EMP2: variants seen among roughly 807,000 people sequenced by gnomAD.
The protein encoded by EMP2 is epithelial membrane protein 2.
In EMP2, 19 loss-of-function variants were observed where a neutral mutation model predicts 13.7. The observed-to-expected ratio is 1.38, with a 90% confidence interval of 0.97 to 2.03. The LOEUF is 2.03. Ranked by LOEUF, EMP2 falls within the 30% of genes most tolerant of loss-of-function variation. EMP2 has a pLI of 0.00. For synonymous variants in EMP2, 97 were observed against 84.7 expected, an observed-to-expected ratio of 1.15 and a Z score of -0.80; for missense variants, 253 against 220.7, an observed-to-expected ratio of 1.15 and a Z score of -0.93.
intron 1 of EMP2, among the ~76,000 whole-genome samples, chr16:10,564,513 G>A (rs1482412799): frequency 5.5e-5 from 8 of 146,548 alleles, no homozygotes; most frequent in African/African-American, 2.1e-4. Context: ...AAAAAAAAAG[G>A]TAATTCTGCC....
chr16:10,573,101 GTGCAGT>G (rs1312172571), intron 1 of EMP2, among the ~76,000 whole-genome samples: 4 of 152,138 alleles, frequency 2.6e-5, no homozygotes, highest in Non-Finnish European at 5.9e-5. Context: ...CCAGGCTAGG[GTGCAGT>G]GGCACAATCT....
At chr16:10,541,718 G>A (rs570590854) in intron 3 of EMP2, among the ~76,000 whole-genome samples, 24 of 152,262 alleles carry the variant, frequency 1.6e-4, no homozygotes, top group Middle Eastern at 3.4e-3. Flanking sequence ...ATGGTGTTCC[G>A]TGGTTAAGGG....
intron 1 of EMP2, among the ~76,000 whole-genome samples, chr16:10,579,708 G>GCACGCGCACACACACA (rs1555461492): frequency 3.4e-5 from 5 of 146,668 alleles, no homozygotes; most frequent in South Asian, 2.2e-4. Flanking sequence ...AGATCAAGGT[G>GCACGCGCACACACACA]CACACACACA....
At chr16:10,540,382 T>C (rs1416760991) in intron 3 of EMP2, among the ~76,000 whole-genome samples, 4 of 151,900 alleles carry the variant, frequency 2.6e-5, no homozygotes, top group Admixed American at 2.6e-4. Flanking sequence ...GGCACACACC[T>C]GTAATCCCAG....
chr16:10,580,376 C>A lies in EMP2; in HGVS notation c.-61+173G>T, dbSNP rs1455121337. 2.0e-5 allele frequency among the ~76,000 whole-genome samples: 3 copies of A among 152,216 alleles called. No homozygotes were observed. Among genetic ancestry groups the A allele is most frequent in the Non-Finnish European group, 2.9e-5 (2 of 68,034 alleles). ...TTCTGGGGCCGGAGCGAGCGTGGCG[C>A]AGACCAGAGGTCGGCGGCATGGGTG... is the stretch of plus-strand genomic sequence containing the variant. On this transcript the variant is annotated intron_variant, in intron 1 of 4. Transcript: ENST00000359543. The surrounding 1 kb of genome is among the most constrained non-coding windows in gnomAD (Gnocchi z 4.3).
At chr16:10,547,709 C>T in intron 1 of EMP2, 32 bp from the exon 2 acceptor site, 2 of 1,288,368 alleles carry the variant, frequency 1.6e-6, no homozygotes, top group South Asian at 1.3e-5. Context: ...AATTCAAAAT[C>T]TGTCAATGAC....
At chr16:10,569,180 A>G (rs1390251200) in intron 1 of EMP2, among the ~76,000 whole-genome samples, 1 of 152,202 alleles carries the variant, frequency 6.6e-6, no homozygotes, top group Non-Finnish European at 1.5e-5. Flanking sequence ...TGATGAGTAC[A>G]TGATCCAGCA....
intron 4 of EMP2, among the ~76,000 whole-genome samples, chr16:10,536,136 A>G (rs8047459): frequency 0.4 from 61,597 of 152,132 alleles, 14,221 homozygotes; most frequent in East Asian, 0.54. Flanking sequence ...GCTGTCCAGT[A>G]AAAGTGCCCC....
chr16:10,561,102 G>A (rs912358437), intron 1 of EMP2, among the ~76,000 whole-genome samples: 5 of 152,252 alleles, frequency 3.3e-5, no homozygotes, highest in Admixed American at 2.6e-4. Context: ...TGGGAACAGA[G>A]GGGTGGACAG....
intron 1 of EMP2, among the ~76,000 whole-genome samples, chr16:10,572,207 G>C (rs1281280910): frequency 6.6e-6 from 1 of 152,162 alleles, no homozygotes; most frequent in Non-Finnish European, 1.5e-5. Flanking sequence ...TGTAATCCCA[G>C]CACTTTGGGA....
At chr16:10,565,172 G>C (rs915744312) in intron 1 of EMP2, among the ~76,000 whole-genome samples, 1 of 152,206 alleles carries the variant, frequency 6.6e-6, no homozygotes, top group Non-Finnish European at 1.5e-5. Context: ...TTAAAAGGGA[G>C]TGATTTGAAA....
chr16:10,577,037 G>T (rs527491221), intron 1 of EMP2, among the ~76,000 whole-genome samples: 1 of 152,212 alleles, frequency 6.6e-6, no homozygotes, highest in South Asian at 2.1e-4. Context: ...GTGCTATAAG[G>T]GTCCCAGGCC....
intron 1 of EMP2, among the ~76,000 whole-genome samples, chr16:10,572,494 T>G (rs2050955259): frequency 6.6e-6 from 1 of 151,760 alleles, no homozygotes; most frequent in African/African-American, 2.4e-5. Flanking sequence ...ACAGATGATC[T>G]TCCATCCACT....
chr16:10,538,287 C>T (rs1425014885), intron 3 of EMP2, among the ~76,000 whole-genome samples: 1 of 152,204 alleles, frequency 6.6e-6, no homozygotes, highest in Non-Finnish European at 1.5e-5. Context: ...CTGGACAATC[C>T]TCGACCCCTT....
At chr16:10,535,852 T>A (rs2050643096) in intron 4 of EMP2, among the ~76,000 whole-genome samples, 1 of 152,184 alleles carries the variant, frequency 6.6e-6, no homozygotes, top group Non-Finnish European at 1.5e-5. Flanking sequence ...CCAGGGTCCT[T>A]GGGAAGAACG....
chr16:10,570,652 C>G (rs1193257406), intron 1 of EMP2, among the ~76,000 whole-genome samples: 1 of 152,134 alleles, frequency 6.6e-6, no homozygotes, highest in Non-Finnish European at 1.5e-5. Context: ...CCCACCTCGG[C>G]CTCCCAAAGT....
At chr16:10,578,248 C>T (rs2050998301) in intron 1 of EMP2, 1 of 152,096 alleles carries the variant, frequency 6.6e-6, no homozygotes, top group Admixed American at 6.6e-5. Context: ...GCTGGTTGAT[C>T]CTCCCTGTTA....
intron 1 of EMP2, among the ~76,000 whole-genome samples, chr16:10,553,021 A>T (rs542681214): frequency 6.6e-6 from 1 of 152,374 alleles, no homozygotes; most frequent in South Asian, 2.1e-4. Context: ...GACATCTGGA[A>T]TTCAGATCTC....
intron 1 of EMP2, among the ~76,000 whole-genome samples, chr16:10,577,483 C>A (rs2050991512): frequency 6.6e-6 from 1 of 152,182 alleles, no homozygotes; most frequent in Admixed American, 6.5e-5. Flanking sequence ...AAATTGCATT[C>A]TTTGGCTAAC....
Sources: gnomAD v4.1 joint callset for allele counts (sites outside exome capture counted in the v4.1 genomes callset) on GRCh38, gnomAD v4.1.1 for gene constraint, Gnocchi (gnomAD v3.1) non-coding constraint, MANE v1.5 for transcripts, NCBI Gene and HGNC (gene_info 2026-07-23, HGNC 2026-07-21) for gene names.